Variants in SLC10A7 observed in about 807,000 individuals in gnomAD.
SLC10A7 encodes the protein solute carrier family 10 member 7.
Under a neutral mutation model 43.2 loss-of-function variants are expected in SLC10A7, and 29 were observed. That is an observed-to-expected ratio of 0.67 (90% confidence interval 0.50 to 0.92). The LOEUF (loss-of-function observed/expected upper bound fraction) is 0.92, where lower values mean the gene tolerates loss of function less well. SLC10A7 is among the 40% of genes least tolerant of loss of function. SLC10A7 has a pLI of 0.00. For missense variants in SLC10A7, 295 were observed against 403.2 expected (o/e 0.73, Z 2.30); for synonymous variants, 152 against 144.8 (o/e 1.05, Z -0.35).
At chr4:146,479,519 T>C (rs1393781156) in intron 4 of SLC10A7, among the ~76,000 whole-genome samples, 1 of 152,174 alleles carries the variant, frequency 6.6e-6, no homozygotes, top group African/African-American at 2.4e-5. Flanking sequence ...CCAGTTATAA[T>C]GGGACAATAT....
chr4:146,293,509 A>G, intron 8 of SLC10A7, among the ~76,000 whole-genome samples: 1 of 152,210 alleles, frequency 6.6e-6, no homozygotes, highest in Non-Finnish European at 1.5e-5. Flanking sequence ...AAATATTCAT[A>G]TTTTAACCAA....
chr4:146,268,973 A>G (rs1728734017), intron 10 of SLC10A7, among the ~76,000 whole-genome samples: 1 of 152,246 alleles, frequency 6.6e-6, no homozygotes, highest in Non-Finnish European at 1.5e-5. Context: ...TACACCTTTC[A>G]ATAAAGGTGC....
In SLC10A7 at chr4:146,325,978, G is replaced by C; in HGVS notation, c.454C>G (p.Leu152Val). 1 of 1,612,334 alleles carries C rather than the reference G, an allele frequency of 6.2e-7. No individual in the cohort carries two copies. Among genetic ancestry groups the C allele is most frequent in the Non-Finnish European group, 8.5e-7 (1 of 1,179,110 alleles). ...GSFLGIVITP[L>V]LLLLFLGSSS... is the part of the protein sequence containing the mutation. ...ATACTCACAAAAAGCAGCAGGAGCA[G>C]GGGTGTTATAACGATGCCCTGAAAG... is the stretch of plus-strand genomic sequence containing the variant. Residue 152 changes from leucine to valine, a missense_variant, in exon 6 of 12, where the codon CTG becomes GTG. Transcript: ENST00000335472.
chr4:146,407,946 C>T (rs868035250), intron 5 of SLC10A7, among the ~76,000 whole-genome samples: 3 of 152,094 alleles, frequency 2.0e-5, no homozygotes, highest in South Asian at 2.1e-4. Flanking sequence ...ATTTCCTACA[C>T]GTGCCATAAA....
chr4:146,475,099 G>A (rs957002966), intron 4 of SLC10A7, among the ~76,000 whole-genome samples: 13 of 152,092 alleles, frequency 8.5e-5, no homozygotes, highest in Non-Finnish European at 1.5e-5. Context: ...CCAAGGATAA[G>A]ATTAAGTATG....
chr4:146,349,056 C>G (rs541908109), intron 5 of SLC10A7, among the ~76,000 whole-genome samples: 11 of 152,102 alleles, frequency 7.2e-5, no homozygotes, highest in Non-Finnish European at 1.0e-4. Flanking sequence ...AAAACAGACC[C>G]CAATGAATGC....
intron 4 of SLC10A7, among the ~76,000 whole-genome samples, chr4:146,462,731 C>A (rs923748766): frequency 8.5e-5 from 13 of 152,080 alleles, no homozygotes; most frequent in African/African-American, 2.9e-4. Flanking sequence ...ATAGCTGTAC[C>A]ACCACAACTA....
intron 4 of SLC10A7, among the ~76,000 whole-genome samples, chr4:146,474,665 AT>A (rs1350066746): frequency 6.6e-6 from 1 of 152,220 alleles, no homozygotes; most frequent in Admixed American, 6.5e-5. Flanking sequence ...GAATTATAGT[AT>A]GATTTCCAGC....
intron 9 of SLC10A7, among the ~76,000 whole-genome samples, chr4:146,289,706 G>GC (rs1730273419): frequency 1.1e-5 from 1 of 88,072 alleles, no homozygotes; most frequent in Non-Finnish European, 2.2e-5. Context: ...CTGATTATTA[G>GC]TTTTTTTTTT....
At chr4:146,521,583 A>C in intron 1 of SLC10A7, 35 bp downstream of exon 1, 7 of 1,553,460 alleles carry the variant, frequency 4.5e-6, no homozygotes, top group Non-Finnish European at 6.2e-6. Flanking sequence ...CTGAAGTGGG[A>C]GCCGCGGTGG....
chr4:146,502,859 A>G (rs973565842), intron 4 of SLC10A7, among the ~76,000 whole-genome samples: 1 of 152,152 alleles, frequency 6.6e-6, no homozygotes. Flanking sequence ...TTGCCTGGGG[A>G]AGAGGGGTGT....
intron 4 of SLC10A7, among the ~76,000 whole-genome samples, chr4:146,460,390 C>T (rs1029066134): frequency 9.2e-5 from 14 of 151,954 alleles, no homozygotes; most frequent in Admixed American, 4.6e-4. Context: ...TTCAAATGTT[C>T]GGATTTATTT....
intron 5 of SLC10A7, among the ~76,000 whole-genome samples, chr4:146,384,264 G>T (rs771265945): frequency 2.0e-5 from 3 of 151,972 alleles, no homozygotes; most frequent in Non-Finnish European, 2.9e-5. Context: ...AAGTAATAAT[G>T]CCTAAAAGCC....
At chr4:146,265,279 G>A (rs185147218) in intron 10 of SLC10A7, among the ~76,000 whole-genome samples, 9 of 152,336 alleles carry the variant, frequency 5.9e-5, no homozygotes, top group Admixed American at 3.9e-4. Flanking sequence ...TTGGACCCCA[G>A]TGTGTTTACT....
At chr4:146,406,802 G>C (rs1430984334) in intron 5 of SLC10A7, among the ~76,000 whole-genome samples, 5 of 152,138 alleles carry the variant, frequency 3.3e-5, no homozygotes, top group African/African-American at 4.8e-5. Flanking sequence ...GGCCAACATG[G>C]TGAAACCCCA....
chr4:146,406,189 T>C (rs1349159682), intron 5 of SLC10A7, among the ~76,000 whole-genome samples: 1 of 152,152 alleles, frequency 6.6e-6, no homozygotes, highest in Non-Finnish European at 1.5e-5. Context: ...AGCCTTTCTT[T>C]CTAAAACAAA....
chr4:146,443,110 T>C (rs1730736576), intron 4 of SLC10A7, among the ~76,000 whole-genome samples: 1 of 152,184 alleles, frequency 6.6e-6, no homozygotes, highest in Admixed American at 6.5e-5. Flanking sequence ...AATACTAAAT[T>C]GAGACCATGT....
intron 4 of SLC10A7, among the ~76,000 whole-genome samples, chr4:146,495,268 A>G (rs751922087): frequency 2.6e-5 from 4 of 152,266 alleles, no homozygotes; most frequent in African/African-American, 9.6e-5. Context: ...CCCATTTAAC[A>G]GAAGAGAAAG....
rs565386166 is a variant in SLC10A7 at position 146,483,807 on chromosome 4, G to A, written c.396+20042C>T. ...TTCCATATAAATGGTAACCAAAAAA[G>A]AGCAGGGTAGCTATACTTATGTACT... On this transcript the variant is annotated intron_variant, in intron 4 of 11. Coordinates refer to ENST00000335472, the MANE Select transcript of SLC10A7 (RefSeq NM_001029998.6). 5.9e-5 allele frequency among the ~76,000 whole-genome samples: 9 copies of A among 152,058 alleles called. No homozygotes were observed. In the South Asian group the frequency reaches 1.9e-3, roughly 31 times the overall value.
Sources: gnomAD v4.1 joint callset for allele counts (sites outside exome capture counted in the v4.1 genomes callset) on GRCh38, gnomAD v4.1.1 for gene constraint, MANE v1.5 for transcripts, NCBI Gene and HGNC (gene_info 2026-07-23, HGNC 2026-07-21) for gene names.